The following C6orf132 variants were observed in gnomAD, a reference collection of about 807,000 sequenced individuals.
C6orf132 encodes the protein uncharacterized protein C6orf132.
Under a neutral mutation model 65.3 loss-of-function variants are expected in C6orf132, and 43 were observed. The observed-to-expected ratio is 0.66, with a 90% CI of 0.52 to 0.85. C6orf132 has a LOEUF of 0.85. Among genes scored for constraint, C6orf132 ranks in the 40% least tolerant of loss-of-function variants. C6orf132 has a pLI of 0.00. For synonymous variants in C6orf132, 631 were observed against 654.1 expected, an observed-to-expected ratio of 0.96 and a Z score of 0.54; for missense variants, 1,488 against 1,548.8, an observed-to-expected ratio of 0.96 and a Z score of 0.66.
Position 42,142,282 on chromosome 6 carries a change from C to G in C6orf132, c.145+18G>C. On this transcript the variant is annotated intron_variant, in intron 1 of 4. Coordinates refer to ENST00000341865, the MANE Select transcript of C6orf132 (RefSeq NM_001164446.3). Reference sequence around the variant, plus strand: ...CCTCCGTCCCCGCCCCAGCGCCCTCCGTCCCCGGAGTACTCACCGAAGCCC... The same window carrying G: ...CCTCCGTCCCCGCCCCAGCGCCCTCGGTCCCCGGAGTACTCACCGAAGCCC... 1 of 1,547,040 alleles carries G rather than the reference C, an allele frequency of 6.5e-7. No individual in the cohort carries two copies. The highest frequency in any genetic ancestry group is 8.7e-7 in the Non-Finnish European group (1 of 1,144,910).
intron 1 of C6orf132, among the ~76,000 whole-genome samples, chr6:42,135,301 A>G (rs1372968721): frequency 6.6e-6 from 1 of 152,198 alleles, no homozygotes; most frequent in East Asian, 1.9e-4. Context: ...GCAGGGGTCA[A>G]ACATGGCCCC....
intron 2 of C6orf132, among the ~76,000 whole-genome samples, chr6:42,113,571 T>C (rs1362280696): frequency 1.3e-5 from 2 of 152,232 alleles, no homozygotes; most frequent in East Asian, 3.8e-4. Flanking sequence ...TCCCAGCACT[T>C]TGGGAGGCCA....
rs1445434527 is a variant in C6orf132 at position 42,105,048 on chromosome 6, G to A, written c.2864C>T (p.Pro955Leu). 3 of 1,536,608 alleles carry A rather than the reference G, an allele frequency of 2.0e-6. No homozygotes were observed. The highest frequency in any genetic ancestry group is 2.6e-6 in the Non-Finnish European group (3 of 1,146,804). The change falls in exon 4 of 5, where the codon CCC becomes CTC. Residue 955 changes from proline (P) to leucine (L), a missense_variant. Transcript: ENST00000341865. ...GGACTTGGGCAGCGGGTGGCCCTGG[G>A]GGAGGTTGGAGGGAGCTACTCTTTC... ...AWERVAPSNLPQGHPLPKSFS... is the reference protein window; with the variant it reads ...AWERVAPSNLLQGHPLPKSFS...
At chr6:42,125,516 C>A (rs114527291) in intron 2 of C6orf132, among the ~76,000 whole-genome samples, 2,910 of 152,274 alleles carry the variant, frequency 0.019, 40 homozygotes, top group Non-Finnish European at 0.03. Flanking sequence ...TTAGCCAGCA[C>A]CGAGGGAACG....
chr6:42,118,673 C>CACT (rs1484455876), intron 2 of C6orf132, among the ~76,000 whole-genome samples: 1 of 152,104 alleles, frequency 6.6e-6, no homozygotes, highest in Non-Finnish European at 1.5e-5. Flanking sequence ...CGGCCACAGC[C>CACT]ACTCCCTGCA....
rs114516895 is a variant in C6orf132, at chr6:42,124,468, C to T, written c.252+4204G>A. ...CCAGGCCTGGAGAGAGCTCACAGGC[C>T]CTCGAGGGGCCTGTCACCTGACTTC... On this transcript the variant is annotated intron_variant, in intron 2 of 4. Transcript: ENST00000341865. The surrounding 1 kb of genome is among the most constrained non-coding windows in gnomAD (Gnocchi z 4.0). 4.3e-3 allele frequency among the ~76,000 whole-genome samples: 660 copies of T among 152,274 alleles called. 5 individuals are homozygous for T. The highest frequency in any genetic ancestry group is 0.015 in the African/African-American group (635 of 41,564).
intron 2 of C6orf132, among the ~76,000 whole-genome samples, chr6:42,118,213 C>A (rs908138313): frequency 6.6e-6 from 1 of 152,148 alleles, no homozygotes; most frequent in Non-Finnish European, 1.5e-5. Flanking sequence ...AACTGTATTG[C>A]CTCGAGGTTG....
Position 42,142,335 on chromosome 6 carries a change from G to C in C6orf132, c.110C>G (p.Thr37Ser), listed in dbSNP as rs1388257888. The C allele has an allele frequency of 1.3e-5, 20 of 1,551,238 alleles. No individual in the cohort carries two copies. The highest frequency in any genetic ancestry group is 1.7e-5 in the Non-Finnish European group (19 of 1,146,860). Reference protein sequence around the residue: ...LYATNPPWIFTQEAPEEGTGG... With the variant: ...LYATNPPWIFSQEAPEEGTGG... ...GGTCCCCTCCTCCGGGGCCTCCTGGGTGAAGATCCAGGGCGGATTGGTGGC... is the reference window on the plus strand; with the variant it reads ...GGTCCCCTCCTCCGGGGCCTCCTGGCTGAAGATCCAGGGCGGATTGGTGGC... The change falls in exon 1 of 5, where the codon ACC (threonine) becomes AGC (serine). Residue 37 changes from threonine to serine, a missense_variant. Coordinates refer to ENST00000341865, the MANE Select transcript of C6orf132 (RefSeq NM_001164446.3).
chr6:42,132,913 G>C (rs6458270), intron 1 of C6orf132, among the ~76,000 whole-genome samples: 6,538 of 150,432 alleles, frequency 0.043, 495 homozygotes, highest in African/African-American at 0.15. Flanking sequence ...GCTGCAATCA[G>C]GCCAACTCTC....
intron 1 of C6orf132, among the ~76,000 whole-genome samples, chr6:42,131,320 TA>T (rs1766849971): frequency 6.6e-6 from 1 of 152,232 alleles, no homozygotes; most frequent in Non-Finnish European, 1.5e-5. Flanking sequence ...GCGCCCAGCC[TA>T]CTGAGCACCT....
At chr6:42,119,248 C>CAAAAAAAAAAAAAAAAAAAAA (rs1156356191) in intron 2 of C6orf132, among the ~76,000 whole-genome samples, 12 of 44,778 alleles carry the variant, frequency 2.7e-4, no homozygotes, top group African/African-American at 1.1e-3. Flanking sequence ...GACTCTGTCT[C>CAAAAAAAAAAAAAAAAAAAAA]AAAAAAAAAA....
In C6orf132 at chr6:42,106,266, G is replaced by A. The variant is rs1197727078; in HGVS notation, c.1646C>T (p.Pro549Leu). Residue 549 changes from proline to leucine, a missense_variant, in exon 4 of 5, where the codon CCC becomes CTC. Transcript: ENST00000341865. ...ETEAAPSLTL[P>L]SVDYIPQDSP... is the part of the protein sequence containing the mutation. ...GTCTTGGGGAATGTAGTCCACAGAGGGCAGGGTCAGGCTGGGGGCAGCCTC... is the reference window on the plus strand; with the variant it reads ...GTCTTGGGGAATGTAGTCCACAGAGAGCAGGGTCAGGCTGGGGGCAGCCTC... 6.5e-7 allele frequency: 1 copy of A among 1,536,952 alleles called. No individual in the cohort carries two copies. The highest frequency in any genetic ancestry group is 2.4e-5 in the East Asian group (1 of 40,910).
chr6:42,110,240 C>A lies in C6orf132; in HGVS notation c.304G>T (p.Asp102Tyr), dbSNP rs2127474397. The stretch of plus-strand genomic sequence containing the variant: ...CCTGTCACTTCTTTGTCTGCAAAAT[C>A]ATCTGGAACCGAGGGGGTGGGCACA... ...LAVPTPSVPD[D>Y]FADKEVTGTS... Residue 102 changes from aspartate to tyrosine, a missense_variant, in exon 3 of 5, where the codon GAT becomes TAT. By Grantham distance (160) the Asp-to-Tyr change is radical. Transcript: ENST00000341865. The A allele has an allele frequency of 3.2e-6, 5 of 1,548,592 alleles. No homozygotes were observed. Among genetic ancestry groups the A allele is most frequent in the Non-Finnish European group, 3.5e-6 (4 of 1,145,874 alleles).
At chr6:42,122,942 C>T (rs183613596) in intron 2 of C6orf132, among the ~76,000 whole-genome samples, 4 of 152,314 alleles carry the variant, frequency 2.6e-5, no homozygotes, top group Admixed American at 2.0e-4. Context: ...GCCAGTTTTC[C>T]CATACTTGCC....
rs1429363546 is a variant in C6orf132, at chr6:42,107,149, C to T, written c.763G>A (p.Val255Ile). Residue 255 changes from valine (V) to isoleucine (I), a missense_variant, in exon 4 of 5, where the codon GTC becomes ATC. By Grantham distance (29) the Val-to-Ile change is conservative. Transcript: ENST00000341865. ...GCTACATCTGATTTCCACTTGGTGA[C>T]ACCCCCAGGGGGAAAGAGACGAGTC... The part of the protein sequence containing the change: ...VGTRLFPPGG[V>I]TKWKSDVALN... 2.2e-5 allele frequency: 31 copies of T among 1,433,436 alleles called. 1 individual carries two copies. Among genetic ancestry groups the T allele is most frequent in the Middle Eastern group, 1.8e-4 (1 of 5,524 alleles). The allele number at this position is 1,433,436 out of a possible 1,614,324, so 88.8% of individuals were successfully genotyped here. A position where few individuals can be genotyped will look rare whatever the true frequency, so the allele number is the denominator to read the frequency against.
At position 42,106,217 on chromosome 6, in the gene C6orf132, C is replaced by T. The variant is rs1468081950; in HGVS notation, c.1695G>A (p.Gln565=). ...GCCGGGCCTCCAGCTCATTCCGGAT[C>T]TGCCGCACACTGGGAGTTGGAGAGT... is the stretch of plus-strand genomic sequence containing the variant. ...PQDSPTPSVR[Q]IRNELEARLS... is the part of the protein sequence containing the mutation. Residue 565 remains glutamine (Q), a synonymous_variant, in exon 4 of 5, where the codon CAG becomes CAA. Coordinates refer to ENST00000341865, the MANE Select transcript of C6orf132 (RefSeq NM_001164446.3). The T allele has an allele frequency of 6.5e-7, 1 of 1,537,120 alleles. No individual in the cohort carries two copies. The highest frequency in any genetic ancestry group is 1.4e-5 in the African/African-American group (1 of 73,056).
chr6:42,119,646 C>T (rs1438320592), intron 2 of C6orf132, among the ~76,000 whole-genome samples: 1 of 151,986 alleles, frequency 6.6e-6, no homozygotes, highest in Non-Finnish European at 1.5e-5. Flanking sequence ...TGCACCCAGC[C>T]TGTCCAGCTT....
rs1341962041 is a variant in C6orf132, at chr6:42,142,466, G to C, written c.-22C>G. 1.9e-6 allele frequency: 3 copies of C among 1,547,458 alleles called. No homozygotes were observed. Among genetic ancestry groups the C allele is most frequent in the Non-Finnish European group, 2.6e-6 (3 of 1,145,140 alleles). ...TCATGCTGCCGCAGCCCGCGCGGGC[G>C]CCAGGGAAGGACCTTCCCTCCCTCG... is the stretch of plus-strand genomic sequence containing the variant. On this transcript the variant is annotated 5_prime_UTR_variant, in exon 1 of 5. Transcript: ENST00000341865.
intron 1 of C6orf132, among the ~76,000 whole-genome samples, chr6:42,137,682 A>C (rs1043787407): frequency 1.3e-5 from 2 of 152,084 alleles, no homozygotes; most frequent in African/African-American, 4.8e-5. Flanking sequence ...CATGTGGGGA[A>C]GGAAATACCA....
Sources: allele counts gnomAD v4.1 joint callset (sites outside exome capture counted in the v4.1 genomes callset), GRCh38; gene constraint gnomAD v4.1.1; non-coding constraint Gnocchi (gnomAD v3.1); transcripts MANE v1.5; gene names NCBI Gene and HGNC (gene_info 2026-07-23, HGNC 2026-07-21).